The following LNX2 variants were observed in gnomAD, a reference collection of about 807,000 sequenced individuals.
The protein encoded by LNX2 is ligand of Numb protein X 2.
A neutral mutation model predicts 66.2 loss-of-function variants in LNX2; 35 were observed. The observed-to-expected ratio is 0.53, with a 90% CI of 0.40 to 0.70. LNX2 has a LOEUF of 0.70. Ranked by LOEUF, LNX2 falls within the 30% of genes least tolerant of loss-of-function variation. LNX2 has a pLI of 0.00. For missense variants in LNX2, 791 were observed against 850.8 expected (o/e 0.93, Z 0.87); for synonymous variants, 337 against 315.6 (o/e 1.07, Z -0.72).
intron 3 of LNX2, 112 bp downstream of exon 3, chr13:27,568,917 T>C (rs570324755): frequency 8.7e-7 from 1 of 1,152,988 alleles, no homozygotes; most frequent in East Asian, 2.8e-5. Flanking sequence ...TTTATTTCTG[T>C]TTATTTTTAT....
At chr13:27,570,754 AATTTACAAAATCACATCATACACAAAT>A (rs369868934) in intron 2 of LNX2, among the ~76,000 whole-genome samples, 1,658 of 152,330 alleles carry the variant, frequency 0.011, 30 homozygotes, top group African/African-American at 0.038. Context: ...GTAAAGATTT[AATTTACAAAATCACATCATACACAAAT>A]ATCTACACAA....
chr13:27,557,277 T>C (rs1159330358), intron 6 of LNX2, among the ~76,000 whole-genome samples: 1 of 152,046 alleles, frequency 6.6e-6, no homozygotes, highest in Middle Eastern at 3.2e-3. Context: ...TTGACCCCAT[T>C]TTACAGATGA....
intron 8 of LNX2, among the ~76,000 whole-genome samples, chr13:27,551,165 G>A (rs2138310786): frequency 6.6e-6 from 1 of 152,056 alleles, no homozygotes; most frequent in Middle Eastern, 3.4e-3. Flanking sequence ...TCATGTGTCT[G>A]TAGTCCCAGT....
chr13:27,611,996 C>T (rs1955778640), intron 1 of LNX2, among the ~76,000 whole-genome samples: 1 of 152,076 alleles, frequency 6.6e-6, no homozygotes, highest in Admixed American at 6.6e-5. Flanking sequence ...TTGATAAAGC[C>T]GCTCCTGAAG....
intron 2 of LNX2, among the ~76,000 whole-genome samples, chr13:27,576,567 A>C (rs569047120): frequency 9.8e-4 from 149 of 151,756 alleles, no homozygotes; most frequent in Admixed American, 2.4e-3. Flanking sequence ...AAGCACAAAA[A>C]AAAAAAAAAT....
intron 7 of LNX2, 59 bp downstream of exon 7, chr13:27,556,177 T>A (rs910772928): frequency 7.6e-5 from 114 of 1,494,416 alleles, no homozygotes; most frequent in Non-Finnish European, 1.0e-4. Context: ...TTTATTTTTT[T>A]AAATGTGCAT....
At chr13:27,558,835 G>A (rs940308755) in intron 6 of LNX2, among the ~76,000 whole-genome samples, 1 of 152,020 alleles carries the variant, frequency 6.6e-6, no homozygotes, top group African/African-American at 2.4e-5. Flanking sequence ...CTTAAGCTCA[G>A]AAAACCATAT....
At chr13:27,570,903 C>T (rs1955271358) in intron 2 of LNX2, among the ~76,000 whole-genome samples, 1 of 152,144 alleles carries the variant, frequency 6.6e-6, no homozygotes, top group Non-Finnish European at 1.5e-5. Flanking sequence ...TACACCTTCA[C>T]AAACGAAATA....
In LNX2 at chr13:27,553,157, G is replaced by T. The variant is rs779042187; in HGVS notation, c.1778+51C>A. On this transcript the variant is annotated intron_variant, in intron 8 of 9. Coordinates refer to ENST00000316334, the MANE Select transcript of LNX2 (RefSeq NM_153371.4). ...TTTATCATGCTACACACTGATAAGG[G>T]CTGCAAGCATGATTATGATTTCCAT... is the stretch of plus-strand genomic sequence containing the variant. The T allele has an allele frequency of 6.8e-6, 10 of 1,470,152 alleles. No homozygotes were observed. In the African/African-American group the frequency reaches 1.4e-4, roughly 20 times the overall value. The allele number at this position is 1,470,152 out of a possible 1,614,324, so 91.1% of individuals were successfully genotyped here.
At chr13:27,580,875 T>C (rs1955390072) in intron 2 of LNX2, among the ~76,000 whole-genome samples, 1 of 152,210 alleles carries the variant, frequency 6.6e-6, no homozygotes, top group Non-Finnish European at 1.5e-5. Context: ...ATGCACAATG[T>C]TGCACTGAAC....
chr13:27,584,094 C>T (rs1323312252), intron 1 of LNX2, among the ~76,000 whole-genome samples: 2 of 152,126 alleles, frequency 1.3e-5, no homozygotes, highest in South Asian at 2.1e-4. Context: ...AGAAAACACA[C>T]TCAAGGGAGG....
chr13:27,557,124 A>G lies in LNX2; in HGVS notation c.1369-711T>C, dbSNP rs140189459. ...AACATCACTTTTCTTTTGAATTAGAATTCAGTAAAAAATAAGATGTACATA... is the reference window on the plus strand; with the variant it reads ...AACATCACTTTTCTTTTGAATTAGAGTTCAGTAAAAAATAAGATGTACATA... On this transcript the variant is annotated intron_variant, in intron 6 of 9. Coordinates refer to ENST00000316334, the MANE Select transcript of LNX2 (RefSeq NM_153371.4). 3.0e-4 allele frequency among the ~76,000 whole-genome samples: 45 copies of G among 152,278 alleles called. No individual in the cohort carries two copies. The East Asian group carries it at 8.3e-3, about 28-fold the overall frequency.
intron 1 of LNX2, among the ~76,000 whole-genome samples, chr13:27,583,874 G>T (rs959894258): frequency 6.6e-6 from 1 of 152,064 alleles, no homozygotes; most frequent in African/African-American, 2.4e-5. Flanking sequence ...GACATGAAAA[G>T]AACTGGCATC....
intron 1 of LNX2, among the ~76,000 whole-genome samples, chr13:27,611,641 AATTTTGGT>A (rs1955774264): frequency 6.6e-6 from 1 of 152,250 alleles, no homozygotes; most frequent in Non-Finnish European, 1.5e-5. Context: ...AAATATTCAT[AATTTTGGT>A]AGAATTTATT....
intron 1 of LNX2, among the ~76,000 whole-genome samples, chr13:27,583,233 T>C (rs1396042395): frequency 0.022 from 367 of 16,316 alleles, 41 homozygotes; most frequent in Non-Finnish European, 0.033. Flanking sequence ...TGTGTGTGTG[T>C]GTGTGTGTGT....
intron 1 of LNX2, among the ~76,000 whole-genome samples, chr13:27,593,614 C>T (rs1955567413): frequency 7.2e-6 from 1 of 139,038 alleles, no homozygotes; most frequent in Non-Finnish European, 1.5e-5. Flanking sequence ...GTTGCTCAGG[C>T]TGGAGTGCAA....
chr13:27,562,348 G>A, intron 5 of LNX2, 65 bp downstream of exon 5: 1 of 1,517,086 alleles, frequency 6.6e-7, no homozygotes. Context: ...ATTGGCCAGT[G>A]AAAACAAATA....
At chr13:27,578,287 T>C (rs1333144850) in intron 2 of LNX2, among the ~76,000 whole-genome samples, 2 of 152,236 alleles carry the variant, frequency 1.3e-5, no homozygotes, top group Non-Finnish European at 2.9e-5. Context: ...ATGACAGCCA[T>C]GCAACTTTTA....
intron 1 of LNX2, among the ~76,000 whole-genome samples, chr13:27,612,564 T>C (rs1328014961): frequency 1.3e-5 from 2 of 152,204 alleles, no homozygotes; most frequent in African/African-American, 4.8e-5. Context: ...AACGTACCAG[T>C]AGCTATGTTT....
Sources: allele counts gnomAD v4.1 joint callset (sites outside exome capture counted in the v4.1 genomes callset), GRCh38; gene constraint gnomAD v4.1.1; transcripts MANE v1.5; gene names NCBI Gene and HGNC (gene_info 2026-07-23, HGNC 2026-07-21).